PPM1G: variants seen among roughly 807,000 people sequenced by gnomAD.
PPM1G encodes the protein protein phosphatase, Mg2+/Mn2+ dependent 1G, also known as protein phosphatase 1G.
In PPM1G, 12 loss-of-function variants were observed where a neutral mutation model predicts 59.4. The observed-to-expected ratio is 0.20, with a 90% CI of 0.13 to 0.33. The LOEUF (loss-of-function observed/expected upper bound fraction) is 0.33, where lower values mean the gene tolerates loss of function less well. Ranked by LOEUF, PPM1G falls within the 10% of genes least tolerant of loss-of-function variation. The probability of loss-of-function intolerance (pLI) is 1.00; values close to 1 mark genes in which losing one functional copy is unlikely to be tolerated. For missense variants in PPM1G, 392 were observed against 681.3 expected (o/e 0.58, Z 4.73); for synonymous variants, 245 against 251.9 (o/e 0.97, Z 0.26).
At position 27,381,315 on chromosome 2, in the gene PPM1G, TCA is replaced by T. The variant is rs1343110655; in HGVS notation, c.*282_*283del. On this transcript the variant is annotated 3_prime_UTR_variant, in exon 10 of 10. Transcript: ENST00000344034. ...AAAAAAGAATGTCCTTAAATAAAGT[TCA>T]CAGAGTAAAAACCAGAACCGCCAGT... The T allele has an allele frequency of 2.4e-5, 12 of 506,456 alleles. No homozygotes were observed. The highest frequency in any genetic ancestry group is 3.6e-5 in the Non-Finnish European group (10 of 280,220). 31.4% of individuals were successfully genotyped at this position (506,456 alleles called of 1,614,324 possible). A position where few individuals can be genotyped will look rare whatever the true frequency, so the allele number is the denominator to read the frequency against.
intron 1 of PPM1G, among the ~76,000 whole-genome samples, chr2:27,404,963 AAAG>A (rs1216898296): frequency 2.0e-5 from 3 of 151,682 alleles, no homozygotes; most frequent in Non-Finnish European, 4.4e-5. Context: ...AAAAAAAAAA[AAAG>A]ACTACATCAA....
chr2:27,384,645 G>C lies in PPM1G; in HGVS notation c.825+28C>G, dbSNP rs1380416917. On this transcript the variant is annotated intron_variant, in intron 5 of 9. Coordinates refer to ENST00000344034, the MANE Select transcript of PPM1G (RefSeq NM_177983.3). The surrounding 1 kb of genome is among the most constrained non-coding windows in gnomAD (Gnocchi z 4.8). Reference sequence around the variant, plus strand: ...CAAACAGGACCTCTCTGCAACTTCAGCATCTGCCTGCCCTCACAGGCCCTT... The same window carrying C: ...CAAACAGGACCTCTCTGCAACTTCACCATCTGCCTGCCCTCACAGGCCCTT... The C allele has an allele frequency of 1.3e-6, 2 of 1,568,994 alleles. No homozygotes were observed. Among genetic ancestry groups the C allele is most frequent in the Admixed American group, 3.7e-5 (2 of 54,694 alleles).
chr2:27,409,429 G>C lies in PPM1G; in HGVS notation c.-7C>G, dbSNP rs534585613. ...GGGAGAGGTAGGCACCCATGGCGGC[G>C]GCTGGCCGGCGGCCTCAGGTGCAGG... On this transcript the variant is annotated 5_prime_UTR_variant, in exon 1 of 10. Coordinates refer to ENST00000344034, the MANE Select transcript of PPM1G (RefSeq NM_177983.3). 6.6e-7 allele frequency: 1 copy of C among 1,505,784 alleles called. No individual in the cohort carries two copies. Among genetic ancestry groups the C allele is most frequent in the Admixed American group, 2.2e-5 (1 of 45,194 alleles). 93.3% of individuals were successfully genotyped at this position (1,505,784 alleles called of 1,614,324 possible). A position where few individuals can be genotyped will look rare whatever the true frequency, so the allele number is the denominator to read the frequency against.
intron 1 of PPM1G, among the ~76,000 whole-genome samples, chr2:27,389,396 C>T (rs143671376): frequency 3.3e-5 from 5 of 152,226 alleles, no homozygotes; most frequent in Admixed American, 1.3e-4. Context: ...TGAGAACTAT[C>T]GCACAATTAC....
At chr2:27,398,291 C>G (rs975682981) in intron 1 of PPM1G, among the ~76,000 whole-genome samples, 1 of 152,066 alleles carries the variant, frequency 6.6e-6, no homozygotes, top group Non-Finnish European at 1.5e-5. Context: ...AGTGCTGGGA[C>G]AACTTGATAT....
At chr2:27,408,093 TACACTCC>T (rs888356552) in intron 1 of PPM1G, among the ~76,000 whole-genome samples, 51 of 151,638 alleles carry the variant, frequency 3.4e-4, no homozygotes, top group African/African-American at 1.2e-3. Context: ...AACTATAGGA[TACACTCC>T]AATCCTGAAA....
At chr2:27,393,428 G>GCC in intron 1 of PPM1G, 1 of 1,092,742 alleles carries the variant, frequency 9.2e-7, no homozygotes, top group Non-Finnish European at 1.4e-6. Context: ...CTGGAGCTGC[G>GCC]GCGGGGGCCT....
chr2:27,388,680 C>T (rs1013561080), intron 1 of PPM1G, among the ~76,000 whole-genome samples: 2 of 151,874 alleles, frequency 1.3e-5, no homozygotes, highest in Admixed American at 1.3e-4. Flanking sequence ...TCGAGACCAT[C>T]CTGGCTAACA....
intron 1 of PPM1G, among the ~76,000 whole-genome samples, chr2:27,408,329 C>A (rs1663430083): frequency 6.6e-6 from 1 of 152,124 alleles, no homozygotes; most frequent in South Asian, 2.1e-4. Flanking sequence ...ATTTCCCTGG[C>A]CCTTTTGCCT....
chr2:27,388,671 C>T (rs1297400147), intron 1 of PPM1G, among the ~76,000 whole-genome samples: 1 of 151,866 alleles, frequency 6.6e-6, no homozygotes, highest in Non-Finnish European at 1.5e-5. Context: ...GTCAGGAGAT[C>T]GAGACCATCC....
intron 1 of PPM1G, among the ~76,000 whole-genome samples, chr2:27,405,194 C>T (rs1476494618): frequency 6.6e-6 from 1 of 151,260 alleles, no homozygotes; most frequent in South Asian, 2.1e-4. Flanking sequence ...CTGCCTCAGC[C>T]TCCGGAGTAG....
At chr2:27,409,170 G>T in intron 1 of PPM1G, 133 bp downstream of exon 1, 1 of 1,297,722 alleles carries the variant, frequency 7.7e-7, no homozygotes, top group South Asian at 1.6e-5. Flanking sequence ...GGTCTCTGTC[G>T]CCCCGCAAAC....
intron 1 of PPM1G, among the ~76,000 whole-genome samples, chr2:27,398,265 A>G (rs993174709): frequency 3.3e-5 from 5 of 152,292 alleles, no homozygotes; most frequent in African/African-American, 1.2e-4. Flanking sequence ...GGAAAAGAAC[A>G]GTGGTTTAAA....
chr2:27,408,217 G>A (rs1309969812), intron 1 of PPM1G, among the ~76,000 whole-genome samples: 1 of 152,184 alleles, frequency 6.6e-6, no homozygotes, highest in Non-Finnish European at 1.5e-5. Context: ...GCTAACCACA[G>A]GGAGGAGCGA....
intron 1 of PPM1G, chr2:27,393,469 G>T: frequency 1.3e-6 from 1 of 792,894 alleles, no homozygotes; most frequent in South Asian, 1.4e-5. Context: ...GTGAAGAGGT[G>T]ACGGAGGGCT....
intron 1 of PPM1G, among the ~76,000 whole-genome samples, chr2:27,406,404 T>A (rs1663362124): frequency 6.6e-6 from 1 of 152,176 alleles, no homozygotes; most frequent in African/African-American, 2.4e-5. Context: ...ACACTATCAA[T>A]GAAGCAGAAT....
At position 27,409,536 on chromosome 2, in the gene PPM1G, A is replaced by G. The variant is rs1301720832; in HGVS notation, c.-114T>C. On this transcript the variant is annotated 5_prime_UTR_variant, in exon 1 of 10. Coordinates refer to ENST00000344034, the MANE Select transcript of PPM1G (RefSeq NM_177983.3). Reference sequence around the variant, plus strand: ...CAGGCCCCGCGGCGCGACCGACGCAAGGTGCCGGTGAAAGGCGCGAGGCCG... The same window carrying G: ...CAGGCCCCGCGGCGCGACCGACGCAGGGTGCCGGTGAAAGGCGCGAGGCCG... 1 of 1,291,138 alleles carries G rather than the reference A, an allele frequency of 7.7e-7. No individual in the cohort carries two copies. The highest frequency in any genetic ancestry group is 1.6e-5 in the African/African-American group (1 of 63,450). 80.0% of individuals were successfully genotyped at this position (1,291,138 alleles called of 1,614,324 possible).
Position 27,409,585 on chromosome 2 carries a change from G to T in PPM1G, c.-163C>A, listed in dbSNP as rs541458967. 3 of 901,840 alleles carry T rather than the reference G, an allele frequency of 3.3e-6. No homozygotes were observed. The highest frequency in any genetic ancestry group is 4.5e-6 in the Non-Finnish European group (3 of 670,014). 55.9% of individuals were successfully genotyped at this position (901,840 alleles called of 1,614,324 possible). The stretch of plus-strand genomic sequence containing the variant: ...CGGCCAGGAGGCGGTAACGGGACGG[G>T]AGCTGTGAGGGAGCGGAAGCGGAAA... On this transcript the variant is annotated 5_prime_UTR_variant, in exon 1 of 10. Coordinates refer to ENST00000344034, the MANE Select transcript of PPM1G (RefSeq NM_177983.3).
Position 27,392,764 on chromosome 2 carries a change from T to C in PPM1G, c.121-5606A>G. On this transcript the variant is annotated intron_variant, in intron 1 of 9. Coordinates refer to ENST00000344034, the MANE Select transcript of PPM1G (RefSeq NM_177983.3). ...GACAAGGTAAGTCACCCTATGGCTA[T>C]GGGGAAATTAGCCTGAGGCTTAGCT... is the stretch of plus-strand genomic sequence containing the variant. 2.8e-6 allele frequency: 4 copies of C among 1,407,358 alleles called. No individual in the cohort carries two copies. The South Asian group carries it at 4.6e-5, about 16-fold the overall frequency. The allele number at this position is 1,407,358 out of a possible 1,614,324, so 87.2% of individuals were successfully genotyped here.
Sources: allele counts gnomAD v4.1 joint callset (sites outside exome capture counted in the v4.1 genomes callset), GRCh38; gene constraint gnomAD v4.1.1; non-coding constraint Gnocchi (gnomAD v3.1); transcripts MANE v1.5; gene names NCBI Gene and HGNC (gene_info 2026-07-23, HGNC 2026-07-21).